RGS8: variants seen among roughly 807,000 people sequenced by gnomAD.
RGS8 encodes regulator of G protein signaling 8, also known as regulator of G-protein signaling 8.
In RGS8, 8 loss-of-function variants were observed where a neutral mutation model predicts 21.7. That is an observed-to-expected ratio of 0.37 (90% CI 0.22 to 0.66). The LOEUF (loss-of-function observed/expected upper bound fraction) is 0.66, where lower values mean the gene tolerates loss of function less well. Ranked by LOEUF, RGS8 falls within the 30% of genes least tolerant of loss-of-function variation. The pLI is 0.59. For synonymous variants in RGS8, 80 were observed against 83.6 expected (o/e 0.96, Z 0.24); for missense variants, 157 against 217.9 (o/e 0.72, Z 1.76).
At chr1:182,728,061 T>C in the RGS8 span, among the ~76,000 whole-genome samples, 1 of 152,286 alleles carries the variant, frequency 6.6e-6, no homozygotes, top group South Asian at 2.1e-4. Context: ...AATATGTTCA[T>C]TTTACAGAAA....
the RGS8 span, among the ~76,000 whole-genome samples, chr1:182,713,280 T>G: frequency 6.6e-6 from 1 of 152,068 alleles, no homozygotes; most frequent in Admixed American, 6.5e-5. Context: ...AGCTCCCAGG[T>G]TCAAGTGATT....
At chr1:182,644,109 G>C (rs1402017453), downstream of RGS8, 1 of 152,332 alleles carries the variant, frequency 6.6e-6, no homozygotes. Context: ...AAACATGGAA[G>C]CTCAGGGATG....
intron 5 of RGS8, among the ~76,000 whole-genome samples, chr1:182,659,095 A>G (rs1461097761): frequency 6.6e-6 from 1 of 152,212 alleles, no homozygotes; most frequent in Non-Finnish European, 1.5e-5. Context: ...AGGACATGAG[A>G]GAGCCTATGA....
chr1:182,670,702 T>C (rs1664115309), intron 2 of RGS8, among the ~76,000 whole-genome samples: 1 of 152,196 alleles, frequency 6.6e-6, no homozygotes, highest in Non-Finnish European at 1.5e-5. Context: ...CACAAGTACT[T>C]TTTAAAAATA....
chr1:182,651,745 A>G (rs991460509), intron 5 of RGS8, among the ~76,000 whole-genome samples: 6 of 152,224 alleles, frequency 3.9e-5, no homozygotes, highest in Admixed American at 6.5e-5. Context: ...CCTGCCTGCC[A>G]GGAGATCCCC....
upstream of RGS8, among the ~76,000 whole-genome samples, chr1:182,676,542 C>T (rs910684406): frequency 1.3e-5 from 2 of 152,174 alleles, no homozygotes; most frequent in Non-Finnish European, 1.5e-5. Flanking sequence ...GGTCACTTGG[C>T]CCAAAATTCT....
chr1:182,677,528 A>G (rs1188495079), upstream of RGS8, among the ~76,000 whole-genome samples: 1 of 152,246 alleles, frequency 6.6e-6, no homozygotes, highest in Non-Finnish European at 1.5e-5. Context: ...GCCATTATTT[A>G]AAGTTTCACT....
chr1:182,723,046 A>G, the RGS8 span, among the ~76,000 whole-genome samples: 1 of 152,154 alleles, frequency 6.6e-6, no homozygotes, highest in Non-Finnish European at 1.5e-5. Flanking sequence ...CACTGGATTA[A>G]GAACTCAGCC....
chr1:182,659,922 A>G (rs913215741), intron 5 of RGS8, among the ~76,000 whole-genome samples: 2 of 152,114 alleles, frequency 1.3e-5, no homozygotes, highest in Non-Finnish European at 2.9e-5. Flanking sequence ...GGGCCTGCCA[A>G]AAGCTCATGA....
chr1:182,718,828 G>A, the RGS8 span, among the ~76,000 whole-genome samples: 10 of 152,158 alleles, frequency 6.6e-5, no homozygotes, highest in African/African-American at 4.8e-5. Flanking sequence ...GTCATCTTAA[G>A]AGCCTCTCCC....
chr1:182,691,790 T>C, the RGS8 span, among the ~76,000 whole-genome samples: 2 of 151,762 alleles, frequency 1.3e-5, no homozygotes, highest in Non-Finnish European at 2.9e-5. Flanking sequence ...ACCACTCCTA[T>C]CCAACATAGT....
upstream of RGS8, among the ~76,000 whole-genome samples, chr1:182,686,053 G>C (rs1664693946): frequency 6.6e-6 from 1 of 152,140 alleles, no homozygotes; most frequent in South Asian, 2.1e-4. Flanking sequence ...GCGTCCTCTG[G>C]ACACAACCTG....
chr1:182,659,359 G>A (rs757451451), intron 5 of RGS8, among the ~76,000 whole-genome samples: 1 of 152,214 alleles, frequency 6.6e-6, no homozygotes, highest in Non-Finnish European at 1.5e-5. Flanking sequence ...CCCTAACAGG[G>A]TGAAGGTTTA....
upstream of RGS8, among the ~76,000 whole-genome samples, chr1:182,688,706 A>T (rs1664758186): frequency 1.3e-5 from 2 of 152,206 alleles, no homozygotes. Context: ...AAACTATGAG[A>T]GGGACTCAAC....
upstream of RGS8, among the ~76,000 whole-genome samples, chr1:182,685,771 C>T (rs1664686947): frequency 1.3e-5 from 2 of 152,134 alleles, no homozygotes; most frequent in Non-Finnish European, 2.9e-5. Context: ...GGACAGGTCA[C>T]CATTTCACTG....
the RGS8 span, among the ~76,000 whole-genome samples, chr1:182,696,567 T>G: frequency 6.6e-6 from 1 of 152,124 alleles, no homozygotes; most frequent in African/African-American, 2.4e-5. Context: ...CAGGCTGTTC[T>G]CAAACTCCTG....
the RGS8 span, among the ~76,000 whole-genome samples, chr1:182,698,247 G>A: frequency 2.6e-5 from 4 of 152,152 alleles, no homozygotes; most frequent in Admixed American, 2.0e-4. Flanking sequence ...GCATCATCTG[G>A]TCATTGCTTG....
At chr1:182,668,470 T>C (rs1663983525) in intron 3 of RGS8, among the ~76,000 whole-genome samples, 1 of 152,226 alleles carries the variant, frequency 6.6e-6, no homozygotes, top group African/African-American at 2.4e-5. Context: ...TTACTTCAAA[T>C]GGATTTTCAT....
intron 1 of RGS8, among the ~76,000 whole-genome samples, chr1:182,681,695 C>T (rs187963038): frequency 2.4e-4 from 37 of 152,316 alleles, no homozygotes; most frequent in African/African-American, 8.4e-4. Flanking sequence ...GCCTTGCTTG[C>T]GGGCATGTGC....
Sources: gnomAD v4.1 joint callset for allele counts (sites outside exome capture counted in the v4.1 genomes callset) on GRCh38, gnomAD v4.1.1 for gene constraint, MANE v1.5 for transcripts, NCBI Gene and HGNC (gene_info 2026-07-23, HGNC 2026-07-21) for gene names.